Variants in PEX11B observed in about 807,000 individuals in gnomAD.
PEX11B encodes the protein peroxisomal membrane protein 11B.
A neutral mutation model predicts 28.2 loss-of-function variants in PEX11B; 18 were observed. That is an observed-to-expected ratio of 0.64 (90% CI 0.44 to 0.95). PEX11B has a LOEUF of 0.95. PEX11B is among the 40% of genes least tolerant of loss of function. The pLI is 0.00. For synonymous variants in PEX11B, 128 were observed against 128.7 expected, an observed-to-expected ratio of 0.99 and a Z score of 0.04; for missense variants, 305 against 319.8, an observed-to-expected ratio of 0.95 and a Z score of 0.35.
chr1:145,914,691 T>C lies in PEX11B; in HGVS notation c.375-2125A>G, dbSNP rs183835397. The stretch of plus-strand genomic sequence containing the variant: ...AAACCCTCACATAGCTAGCTCTTTC[T>C]TGCTCTTCAGGTATGAGCTTAAGTA... On this transcript the variant is annotated intron_variant, in intron 3 of 3. Transcript: ENST00000369306. 1.6e-3 allele frequency among the ~76,000 whole-genome samples: 242 copies of C among 152,334 alleles called. 1 individual carries two copies. The highest frequency in any genetic ancestry group is 2.7e-3 in the Admixed American group (42 of 15,294).
At chr1:145,915,563 A>T (rs1382046026) in intron 3 of PEX11B, among the ~76,000 whole-genome samples, 1 of 151,580 alleles carries the variant, frequency 6.6e-6, no homozygotes, top group African/African-American at 2.4e-5. Flanking sequence ...AGCCAACGTC[A>T]TCTCTTGCTC....
chr1:145,914,741 T>G (rs1241440775), intron 3 of PEX11B, among the ~76,000 whole-genome samples: 7 of 152,232 alleles, frequency 4.6e-5, no homozygotes, highest in African/African-American at 1.7e-4. Flanking sequence ...ACGCCTTCCC[T>G]TATCCCTAAA....
intron 3 of PEX11B, among the ~76,000 whole-genome samples, chr1:145,914,013 C>T (rs587692169): frequency 1.3e-5 from 2 of 152,296 alleles, no homozygotes; most frequent in East Asian, 1.9e-4. Context: ...TTGCCCCCAC[C>T]CCCAACAATC....
intron 2 of PEX11B, 57 bp downstream of exon 2, chr1:145,917,644 G>T: frequency 1.0e-6 from 1 of 961,030 alleles, no homozygotes; most frequent in Non-Finnish European, 1.7e-6. Flanking sequence ...GACAAAGGAA[G>T]GTGAGCTGGG....
intron 1 of PEX11B, chr1:145,918,312 A>G (rs1553754261): frequency 6.7e-7 from 1 of 1,484,132 alleles, no homozygotes; most frequent in Non-Finnish European, 9.0e-7. Context: ...CTGGGGGCAG[A>G]GTCTGGGGCT....
At chr1:145,913,446 T>C (rs1657895193) in intron 3 of PEX11B, among the ~76,000 whole-genome samples, 1 of 152,168 alleles carries the variant, frequency 6.6e-6, no homozygotes, top group Admixed American at 6.6e-5. Flanking sequence ...ATTTGTCAAT[T>C]ATGTCCCAAT....
At chr1:145,917,067 GA>G (rs1375235229) in intron 2 of PEX11B, 49 bp from the exon 3 acceptor site, 1 of 1,205,470 alleles carries the variant, frequency 8.3e-7, no homozygotes, top group African/African-American at 1.5e-5. Flanking sequence ...TGGAGAGGCA[GA>G]TAACAAGAAA....
Position 145,918,655 on chromosome 1 carries a change from G to C in PEX11B, c.34C>G (p.Gln12Glu). Reference sequence around the variant, plus strand: ...CACCTACACAGCCGCTCCCGGGCTTGGCTCTGAGCACTGAAGCGGACCCAG... The same window carrying C: ...CACCTACACAGCCGCTCCCGGGCTTCGCTCTGAGCACTGAAGCGGACCCAG... ...DAWVRFSAQS[Q>E]ARERLCRAAQ... is the part of the protein sequence containing the mutation. The change falls in exon 1 of 4, where the codon CAA becomes GAA. Residue 12 changes from glutamine (Q) to glutamate (E), a missense_variant. Transcript: ENST00000369306. 1 of 1,582,710 alleles carries C rather than the reference G, an allele frequency of 6.3e-7. No homozygotes were observed. The highest frequency in any genetic ancestry group is 1.4e-5 in the African/African-American group (1 of 70,470).
chr1:145,918,593 T>TGCCA, intron 1 of PEX11B, 40 bp downstream of exon 1: 20 of 1,532,000 alleles, frequency 1.3e-5, no homozygotes, highest in Non-Finnish European at 1.7e-5. Flanking sequence ...CCTCTGTCCA[T>TGCCA]CCCTCCCCCG....
rs1553754176 is a variant in PEX11B, at chr1:145,917,783, A to G, written c.90T>C (p.His30=). Residue 30 remains histidine (H), a synonymous_variant, in exon 2 of 4, where the codon CAT becomes CAC. Coordinates refer to ENST00000369306, the MANE Select transcript of PEX11B (RefSeq NM_003846.3). ...GACTGGCTCCATGCCTCTGCAGCGC[A>G]TGGCCAAGAAGAGAGCAAGCATACT... The part of the protein sequence containing the change: ...AAQYACSLLG[H]ALQRHGASPE... The G allele has an allele frequency of 8.1e-6, 13 of 1,613,662 alleles. No individual in the cohort carries two copies. Among genetic ancestry groups the G allele is most frequent in the Non-Finnish European group, 1.1e-5 (13 of 1,179,544 alleles).
chr1:145,912,245 A>C lies in PEX11B; in HGVS notation c.696T>G (p.Pro232=), dbSNP rs1434196956. ...CGAGGCCACAAAGCCCCACAATCCCAGGGCCACAGCGCCAGAGGCCTAGTT... is the reference window on the plus strand; with the variant it reads ...CGAGGCCACAAAGCCCCACAATCCCCGGGCCACAGCGCCAGAGGCCTAGTT... ...LDKLGLWRCG[P]GIVGLCGLVS... The change falls in exon 4 of 4, where the codon CCT becomes CCG. Residue 232 remains proline, a synonymous_variant. Coordinates refer to ENST00000369306, the MANE Select transcript of PEX11B (RefSeq NM_003846.3). 9.9e-6 allele frequency: 16 copies of C among 1,613,878 alleles called. No homozygotes were observed. Among genetic ancestry groups the C allele is most frequent in the Non-Finnish European group, 1.3e-5 (15 of 1,179,902 alleles).
Position 145,912,150 on chromosome 1 carries a change from G to T in PEX11B, c.*11C>A. ...CCAATTCAGGTCCCCTCCTTATCCT[G>T]TACCGGAAGGTCAGGGCTTGAGTCG... On this transcript the variant is annotated 3_prime_UTR_variant, in exon 4 of 4. Coordinates refer to ENST00000369306, the MANE Select transcript of PEX11B (RefSeq NM_003846.3). 6.3e-7 allele frequency: 1 copy of T among 1,578,212 alleles called. No individual in the cohort carries two copies. Among genetic ancestry groups the T allele is most frequent in the Non-Finnish European group, 8.6e-7 (1 of 1,161,014 alleles).
chr1:145,917,921 A>T, intron 1 of PEX11B, 105 bp from the exon 2 acceptor site: 1 of 1,391,114 alleles, frequency 7.2e-7, no homozygotes, highest in South Asian at 1.4e-5. Context: ...CAGTTTGAGA[A>T]CACTCCCCTT....
intron 3 of PEX11B, among the ~76,000 whole-genome samples, chr1:145,914,888 A>G (rs1277646738): frequency 6.6e-6 from 1 of 152,032 alleles, no homozygotes; most frequent in Non-Finnish European, 1.5e-5. Flanking sequence ...GTTCCAGAGG[A>G]GCAGAGGCCT....
At position 145,916,887 on chromosome 1, in the gene PEX11B, C is replaced by T. The variant is rs782593339; in HGVS notation, c.304G>A (p.Val102Ile). 2.5e-6 allele frequency: 4 copies of T among 1,614,066 alleles called. No homozygotes were observed. The highest frequency in any genetic ancestry group is 3.4e-6 in the Non-Finnish European group (4 of 1,179,986). The change falls in exon 3 of 4, where the codon GTC becomes ATC. Residue 102 changes from valine (V) to isoleucine (I), a missense_variant. Physicochemically the swap from Val to Ile is conservative, Grantham distance 29. Coordinates refer to ENST00000369306, the MANE Select transcript of PEX11B (RefSeq NM_003846.3). ...NRALYFACDN[V>I]LWAGKSGLAP... ...AGTCCAGACTTTCCAGCCCACAGGA[C>T]ATTGTCACAGGCGAAGTACAAGGCT... is the stretch of plus-strand genomic sequence containing the variant.
intron 2 of PEX11B, 31 bp downstream of exon 2, chr1:145,917,670 G>A: frequency 1.7e-6 from 2 of 1,202,104 alleles, no homozygotes; most frequent in Non-Finnish European, 2.5e-6. Flanking sequence ...AGGAAAGGTT[G>A]GGGGATAAAA....
In PEX11B at chr1:145,911,974, G is replaced by C; in HGVS notation, c.*187C>G. 2.3e-6 allele frequency: 1 copy of C among 444,154 alleles called. No homozygotes were observed. Among genetic ancestry groups the C allele is most frequent in the Non-Finnish European group, 4.0e-6 (1 of 253,122 alleles). The allele number at this position is 444,154 out of a possible 1,614,324, so 27.5% of individuals were successfully genotyped here. On this transcript the variant is annotated 3_prime_UTR_variant, in exon 4 of 4. Transcript: ENST00000369306. ...AGCTCAGGCACATCTAGAAATTAGA[G>C]ACATCCTATTAACTTCACGAGTCAT...
At chr1:145,914,245 G>A (rs1467157648) in intron 3 of PEX11B, among the ~76,000 whole-genome samples, 4 of 151,926 alleles carry the variant, frequency 2.6e-5, no homozygotes, top group Middle Eastern at 3.2e-3. Flanking sequence ...GTGGTGGCGC[G>A]TGCCTGTAAT....
At chr1:145,917,395 C>A (rs868982861) in intron 2 of PEX11B, among the ~76,000 whole-genome samples, 2 of 152,124 alleles carry the variant, frequency 1.3e-5, no homozygotes, top group Admixed American at 6.5e-5. Flanking sequence ...TGCGCCACTG[C>A]ACTCTGACCT....
Sources: gnomAD v4.1 joint callset for allele counts (sites outside exome capture counted in the v4.1 genomes callset) on GRCh38, gnomAD v4.1.1 for gene constraint, MANE v1.5 for transcripts, NCBI Gene and HGNC (gene_info 2026-07-23, HGNC 2026-07-21) for gene names.